The following PPP4R3B variants were observed in gnomAD, a reference collection of about 807,000 sequenced individuals.
PPP4R3B encodes serine/threonine-protein phosphatase 4 regulatory subunit 3B.
PPP4R3B carries 52 observed loss-of-function variants against 95.4 expected under a neutral mutation model. The observed-to-expected ratio is 0.54, with a 90% CI of 0.44 to 0.69. PPP4R3B has a LOEUF of 0.69. PPP4R3B is among the 30% of genes least tolerant of loss of function. The probability of loss-of-function intolerance (pLI) is 0.00; values close to 1 mark genes in which losing one functional copy is unlikely to be tolerated. For synonymous variants in PPP4R3B, 407 were observed against 343.9 expected, an observed-to-expected ratio of 1.18 and a Z score of -2.03; for missense variants, 1,003 against 1,005.9, an observed-to-expected ratio of 1.00 and a Z score of 0.04.
At chr2:55,597,833 C>T (rs780297216) in intron 4 of PPP4R3B, among the ~76,000 whole-genome samples, 3 of 152,098 alleles carry the variant, frequency 2.0e-5, no homozygotes, top group Non-Finnish European at 4.4e-5. Context: ...ATAGTCAAAA[C>T]GGTGAATTTT....
intron 3 of PPP4R3B, among the ~76,000 whole-genome samples, chr2:55,600,850 A>G (rs537620187): frequency 6.6e-6 from 1 of 152,266 alleles, no homozygotes; most frequent in Non-Finnish European, 1.5e-5. Flanking sequence ...TGTAACAAGG[A>G]AAATTCAGTA....
At position 55,573,605 on chromosome 2, in the gene PPP4R3B, C is replaced by T; in HGVS notation, c.1765+14G>A. 1 of 1,523,258 alleles carries T rather than the reference C, an allele frequency of 6.6e-7. No homozygotes were observed. Among genetic ancestry groups the T allele is most frequent in the Non-Finnish European group, 8.8e-7 (1 of 1,139,320 alleles). The allele number at this position is 1,523,258 out of a possible 1,614,324, so 94.4% of individuals were successfully genotyped here. ...CTATTAAAAATGTTGCTCCTTAAAA[C>T]ATTTTATACTTACACAAGGCCAGAA... On this transcript the variant is annotated intron_variant, in intron 12 of 16. Transcript: ENST00000616407.
At chr2:55,593,133 G>A (rs867225464) in intron 4 of PPP4R3B, among the ~76,000 whole-genome samples, 74 of 152,166 alleles carry the variant, frequency 4.9e-4, no homozygotes, top group African/African-American at 1.8e-3. Flanking sequence ...ACTCCAGCCT[G>A]GGTGACAGAG....
At chr2:55,596,525 C>A (rs1691795573) in intron 4 of PPP4R3B, among the ~76,000 whole-genome samples, 1 of 152,180 alleles carries the variant, frequency 6.6e-6, no homozygotes, top group Non-Finnish European at 1.5e-5. Context: ...AGAATGATGT[C>A]TTCTGTTTCC....
intron 5 of PPP4R3B, among the ~76,000 whole-genome samples, chr2:55,588,068 C>A (rs770256578): frequency 3.9e-5 from 6 of 152,106 alleles, no homozygotes; most frequent in African/African-American, 7.2e-5. Context: ...TGTCAAACAT[C>A]TGGCAAACGG....
intron 2 of PPP4R3B, among the ~76,000 whole-genome samples, chr2:55,607,368 G>C (rs147160618): frequency 6.6e-6 from 1 of 152,156 alleles, no homozygotes; most frequent in African/African-American, 2.4e-5. Flanking sequence ...GCAAGCCTGC[G>C]TTGTTTTACC....
intron 1 of PPP4R3B, among the ~76,000 whole-genome samples, chr2:55,616,848 T>C (rs1359883552): frequency 6.6e-6 from 1 of 152,092 alleles, no homozygotes; most frequent in East Asian, 1.9e-4. Flanking sequence ...CATCAGTACC[T>C]AGTCTCTCAC....
chr2:55,609,267 T>C (rs1038009093), intron 2 of PPP4R3B, among the ~76,000 whole-genome samples: 8 of 152,176 alleles, frequency 5.3e-5, no homozygotes, highest in African/African-American at 1.9e-4. Flanking sequence ...CAAGTGATCC[T>C]CCTGCCTCAG....
intron 8 of PPP4R3B, among the ~76,000 whole-genome samples, chr2:55,581,084 C>G (rs755535237): frequency 3.3e-4 from 50 of 152,054 alleles, no homozygotes; most frequent in Non-Finnish European, 6.5e-4. Context: ...GAAACCCCAT[C>G]TCTACTAAAA....
chr2:55,552,223 C>T (rs1685330975), intron 16 of PPP4R3B, among the ~76,000 whole-genome samples: 1 of 152,092 alleles, frequency 6.6e-6, no homozygotes, highest in South Asian at 2.1e-4. Flanking sequence ...TCTAGAGATG[C>T]ACTTTGTGAA....
Position 55,598,999 on chromosome 2 carries a change from A to C in PPP4R3B, c.338T>G (p.Leu113Arg). The change falls in exon 4 of 17, where the codon CTC (leucine) becomes CGC (arginine). Residue 113 changes from leucine to arginine, a missense_variant. This residue lies in a region of PPP4R3B where 695 missense variants were observed against 686.2 expected (regional missense o/e 1.01). Coordinates refer to ENST00000616407, the MANE Select transcript of PPP4R3B (RefSeq NM_001122964.3). ...KDPSVEVTQD[L>R]IDESEEERFE... ...TCGTTCTTCTTCAGATTCATCAATGAGGTCCTGTGTGACTTCCACTGATGG... is the reference window on the plus strand; with the variant it reads ...TCGTTCTTCTTCAGATTCATCAATGCGGTCCTGTGTGACTTCCACTGATGG... 1.2e-6 allele frequency: 2 copies of C among 1,613,972 alleles called. No homozygotes were observed. Among genetic ancestry groups the C allele is most frequent in the African/African-American group, 1.3e-5 (1 of 75,058 alleles).
At chr2:55,610,887 A>G (rs1334726753) in intron 2 of PPP4R3B, among the ~76,000 whole-genome samples, 1 of 82,966 alleles carries the variant, frequency 1.2e-5, no homozygotes, top group Non-Finnish European at 2.5e-5. Context: ...TTTTTTTTTG[A>G]GAGAGTCTTC....
At chr2:55,612,796 A>G (rs562913821) in intron 2 of PPP4R3B, among the ~76,000 whole-genome samples, 76 of 152,086 alleles carry the variant, frequency 5.0e-4, no homozygotes, top group Non-Finnish European at 9.3e-4. Flanking sequence ...ATACAAAAAA[A>G]TTAACTGGGC....
chr2:55,561,665 GC>G (rs2103893150), intron 15 of PPP4R3B, among the ~76,000 whole-genome samples: 1 of 152,358 alleles, frequency 6.6e-6, no homozygotes, highest in African/African-American at 2.4e-5. Context: ...TTATTTTGGA[GC>G]TTTAAGATTT....
At chr2:55,608,159 C>A (rs928736495) in intron 2 of PPP4R3B, among the ~76,000 whole-genome samples, 3 of 152,120 alleles carry the variant, frequency 2.0e-5, no homozygotes, top group African/African-American at 7.2e-5. Flanking sequence ...CGTGTGCCAC[C>A]ACACCGGATT....
At chr2:55,552,709 T>C (rs1300259180) in intron 16 of PPP4R3B, among the ~76,000 whole-genome samples, 1 of 152,098 alleles carries the variant, frequency 6.6e-6, no homozygotes, top group Admixed American at 6.6e-5. Flanking sequence ...GAATTTCTGG[T>C]TGGACATTTG....
Position 55,547,528 on chromosome 2 carries a change from C to G in PPP4R3B, c.*2383G>C, listed in dbSNP as rs758944068. ...ATTTTAAGCCTTGTTCTCTTATCGT[C>G]GTAGGTAAGCACTTGTACCATGAAA... On this transcript the variant is annotated 3_prime_UTR_variant, in exon 17 of 17. Coordinates refer to ENST00000616407, the MANE Select transcript of PPP4R3B (RefSeq NM_001122964.3). 3.3e-5 allele frequency: 5 copies of G among 152,270 alleles called. No individual in the cohort carries two copies. The highest frequency in any genetic ancestry group is 1.3e-4 in the Admixed American group (2 of 15,282). 9.4% of individuals were successfully genotyped at this position (152,270 alleles called of 1,614,324 possible).
Position 55,591,759 on chromosome 2 carries a change from T to C in PPP4R3B, c.922-2803A>G, listed in dbSNP as rs1421147355. On this transcript the variant is annotated intron_variant, in intron 4 of 16. Coordinates refer to ENST00000616407, the MANE Select transcript of PPP4R3B (RefSeq NM_001122964.3). ...TACAGTCCATTAAGAGAATATGTAT[T>C]CCTAGTATTTTTTCCCTGATTTCCA... The C allele has an allele frequency of 8.9e-6, 6 of 671,978 alleles. No homozygotes were observed. In the East Asian group the frequency reaches 8.1e-4, roughly 91 times the overall value. 41.6% of individuals were successfully genotyped at this position (671,978 alleles called of 1,614,324 possible).
At chr2:55,555,981 T>A (rs1354035779) in intron 16 of PPP4R3B, among the ~76,000 whole-genome samples, 1 of 152,278 alleles carries the variant, frequency 6.6e-6, no homozygotes, top group African/African-American at 2.4e-5. Flanking sequence ...ATTTTGTGTC[T>A]TTATGACATT....
Sources: allele counts gnomAD v4.1 joint callset (sites outside exome capture counted in the v4.1 genomes callset), GRCh38; gene constraint gnomAD v4.1.1; regional missense constraint gnomAD v4.1.1; transcripts MANE v1.5; gene names NCBI Gene and HGNC (gene_info 2026-07-23, HGNC 2026-07-21).